Variants in CNTLN observed in about 807,000 individuals in gnomAD.
The protein encoded by CNTLN is centlein, centrosomal protein.
Under a neutral mutation model 180.0 loss-of-function variants are expected in CNTLN, and 212 were observed. The observed-to-expected ratio is 1.18, with a 90% CI of 1.05 to 1.32. The LOEUF (loss-of-function observed/expected upper bound fraction) is 1.32. Among genes scored for constraint, CNTLN ranks in the 40% most tolerant of loss-of-function variants. CNTLN has a pLI of 0.00. For synonymous variants in CNTLN, 722 were observed against 563.1 expected, an observed-to-expected ratio of 1.28 and a Z score of -3.99; for missense variants, 2,095 against 1,610.9, an observed-to-expected ratio of 1.30 and a Z score of -5.14.
At chr9:17,417,478 T>A in intron 18 of CNTLN, among the ~76,000 whole-genome samples, 1 of 152,080 alleles carries the variant, frequency 6.6e-6, no homozygotes, top group East Asian at 1.9e-4. Flanking sequence ...TTCTCAACTT[T>A]AATTGTTCAA....
chr9:17,309,240 C>G lies in CNTLN; in HGVS notation c.1329C>G (p.Asp443Glu). 6.3e-7 allele frequency: 1 copy of G among 1,583,708 alleles called. No homozygotes were observed. The highest frequency in any genetic ancestry group is 8.6e-7 in the Non-Finnish European group (1 of 1,166,680). Residue 443 changes from aspartate to glutamate, a missense_variant, in exon 8 of 26, where the codon GAC becomes GAG. Physicochemically the swap from Asp to Glu is conservative, Grantham distance 45. Transcript: ENST00000380647. The part of the protein sequence containing the change: ...PLPLPQESDP[D>E]YSAQVPHRPS... ...CTTTACCTCAAGAAAGTGATCCAGACTACTCAGCACAGGTGAGAGACATTT... is the reference window on the plus strand; with the variant it reads ...CTTTACCTCAAGAAAGTGATCCAGAGTACTCAGCACAGGTGAGAGACATTT...
chr9:17,331,248 T>G (rs2133116379), intron 9 of CNTLN, among the ~76,000 whole-genome samples: 1 of 151,936 alleles, frequency 6.6e-6, no homozygotes, highest in East Asian at 1.9e-4. Context: ...AATAAAATAG[T>G]AAATGAATTT....
intron 7 of CNTLN, chr9:17,301,605 G>A (rs1307102637): frequency 1.0e-6 from 1 of 983,178 alleles, no homozygotes; most frequent in East Asian, 1.1e-4. Flanking sequence ...CTTTGAAATT[G>A]TACCTCCCAC....
At chr9:17,435,136 A>T (rs1829686434) in intron 18 of CNTLN, among the ~76,000 whole-genome samples, 1 of 152,128 alleles carries the variant, frequency 6.6e-6, no homozygotes, top group African/African-American at 2.4e-5. Flanking sequence ...TTAAATAATC[A>T]ATTACTCTTG....
At chr9:17,281,110 C>T (rs138451830) in intron 6 of CNTLN, among the ~76,000 whole-genome samples, 162 of 152,212 alleles carry the variant, frequency 1.1e-3, no homozygotes, top group African/African-American at 3.6e-3. Flanking sequence ...TATTTCACAG[C>T]GGCATAATGG....
chr9:17,187,338 C>T (rs1198364123), intron 2 of CNTLN, among the ~76,000 whole-genome samples: 1 of 151,984 alleles, frequency 6.6e-6, no homozygotes, highest in Non-Finnish European at 1.5e-5. Context: ...ATTCCTTCTA[C>T]CTGGTTCATT....
At chr9:17,477,693 T>C (rs1832424903) in intron 23 of CNTLN, among the ~76,000 whole-genome samples, 1 of 152,166 alleles carries the variant, frequency 6.6e-6, no homozygotes, top group African/African-American at 2.4e-5. Context: ...CAAAATAAAA[T>C]CTGAATGGAT....
rs1371931633 is a variant in CNTLN at position 17,332,688 on chromosome 9, TGAAA to T, written c.1609_1612del (p.Lys537LeufsTer4). 2 of 1,606,638 alleles carry T rather than the reference TGAAA, an allele frequency of 1.2e-6. No homozygotes were observed. The highest frequency in any genetic ancestry group is 1.7e-6 in the Non-Finnish European group (2 of 1,177,208). On this transcript the variant is annotated frameshift_variant, in exon 10 of 26. Transcript: ENST00000380647. LOFTEE classifies it high-confidence loss of function. ...AAGAGCTACAGAAGCTGAGAAAAGC[TGAAA>T]GAAAGATTGAAAACTTAGAGAAGGC...
chr9:17,465,855 T>C (rs1831714951), intron 21 of CNTLN, 126 bp from the exon 22 acceptor site: 1 of 688,074 alleles, frequency 1.5e-6, no homozygotes, highest in African/African-American at 1.9e-5. Flanking sequence ...ATACTTGAAT[T>C]TGATAGCGTT....
chr9:17,511,646 T>TCACACACACACA, the CNTLN span, among the ~76,000 whole-genome samples: 5 of 61,952 alleles, frequency 8.1e-5, no homozygotes, highest in African/African-American at 2.2e-4. Flanking sequence ...TCTCTCTCTC[T>TCACACACACACA]CTCACACACA....
At position 17,294,029 on chromosome 9, in the gene CNTLN, C is replaced by T. The variant is rs139853213; in HGVS notation, c.984-4161C>T. On this transcript the variant is annotated intron_variant, in intron 6 of 25. Coordinates refer to ENST00000380647, the MANE Select transcript of CNTLN (RefSeq NM_017738.4). ...CGGTGAGTGTTACAGTTCTTAAAAG[C>T]GGCGTGTCCGGAGTTTGTTCCTTCT... Among the ~76,000 whole-genome samples the T allele has an allele frequency of 5.3e-3, 801 of 152,224 alleles. 4 individuals carry two copies. Among genetic ancestry groups the T allele is most frequent in the African/African-American group, 0.017 (697 of 41,542 alleles).
At chr9:17,521,312 A>T in the CNTLN span, among the ~76,000 whole-genome samples, 3 of 137,970 alleles carry the variant, frequency 2.2e-5, no homozygotes, top group African/African-American at 7.7e-5. Flanking sequence ...GAACATAAAG[A>T]ATGGTAAAGG....
chr9:17,268,561 C>T (rs1827682906), intron 5 of CNTLN, among the ~76,000 whole-genome samples: 1 of 152,186 alleles, frequency 6.6e-6, no homozygotes, highest in Admixed American at 6.5e-5. Flanking sequence ...CTACTCTCTT[C>T]AAAGCTGTCA....
intron 12 of CNTLN, among the ~76,000 whole-genome samples, chr9:17,343,111 T>C (rs1367083766): frequency 6.6e-6 from 1 of 152,242 alleles, no homozygotes; most frequent in Non-Finnish European, 1.5e-5. Flanking sequence ...AGTATAAAAC[T>C]TGATGAAGGA....
intron 2 of CNTLN, among the ~76,000 whole-genome samples, chr9:17,190,104 A>G (rs1455583327): frequency 1.3e-5 from 2 of 150,292 alleles, no homozygotes; most frequent in African/African-American, 4.9e-5. Flanking sequence ...AATGAGACCC[A>G]GAGCTGTTTG....
chr9:17,423,572 G>A (rs1828877291), intron 18 of CNTLN, among the ~76,000 whole-genome samples: 3 of 152,150 alleles, frequency 2.0e-5, no homozygotes, highest in Non-Finnish European at 4.4e-5. Flanking sequence ...TGGGTTATGT[G>A]CACTTCAGTT....
At chr9:17,342,228 G>T in intron 11 of CNTLN, 97 bp from the exon 12 acceptor site, 3 of 1,181,438 alleles carry the variant, frequency 2.5e-6, no homozygotes, top group Non-Finnish European at 2.4e-6. Flanking sequence ...TTAGAAATTT[G>T]GTCAATAGAT....
intron 18 of CNTLN, among the ~76,000 whole-genome samples, chr9:17,440,796 T>C (rs1830063965): frequency 1.3e-5 from 2 of 152,158 alleles, no homozygotes; most frequent in African/African-American, 4.8e-5. Flanking sequence ...ACAATATGGA[T>C]GAACCTTGAA....
At chr9:17,412,739 A>G (rs959704086) in intron 16 of CNTLN, among the ~76,000 whole-genome samples, 10 of 152,196 alleles carry the variant, frequency 6.6e-5, no homozygotes, top group Non-Finnish European at 1.2e-4. Flanking sequence ...GATGTTTTCA[A>G]CTTAATGAGT....
Sources: allele counts gnomAD v4.1 joint callset (sites outside exome capture counted in the v4.1 genomes callset), GRCh38; gene constraint gnomAD v4.1.1; transcripts MANE v1.5; gene names NCBI Gene and HGNC (gene_info 2026-07-23, HGNC 2026-07-21).